The following INPP4B variants were observed in gnomAD, a reference collection of about 807,000 sequenced individuals.
INPP4B encodes inositol polyphosphate-4-phosphatase type II B, also known as inositol polyphosphate 4-phosphatase type II.
In INPP4B, 55 loss-of-function variants were observed where a neutral mutation model predicts 122.5. The ratio of observed to expected loss-of-function variants is 0.45; its 90% CI spans 0.36 to 0.56. INPP4B has a LOEUF of 0.56. Among genes scored for constraint, INPP4B ranks in the 20% least tolerant of loss-of-function variants. INPP4B has a pLI of 0.00. For synonymous variants in INPP4B, 403 were observed against 388.7 expected, an observed-to-expected ratio of 1.04 and a Z score of -0.43; for missense variants, 1,000 against 1,097.7, an observed-to-expected ratio of 0.91 and a Z score of 1.26.
chr4:142,545,831 A>ACACATATATATGTGTG (rs1829578618), intron 2 of INPP4B, among the ~76,000 whole-genome samples: 13 of 149,174 alleles, frequency 8.7e-5, no homozygotes, highest in African/African-American at 2.2e-4. Context: ...GTATATATAT[A>ACACATATATATGTGTG]TATATAAAAT....
intron 2 of INPP4B, among the ~76,000 whole-genome samples, chr4:142,631,537 C>A (rs527913670): frequency 6.6e-6 from 1 of 151,938 alleles, no homozygotes; most frequent in Non-Finnish European, 1.5e-5. Context: ...ACAATACGGA[C>A]TAAAAACGTT....
At chr4:142,820,579 G>T (rs147054820) in intron 1 of INPP4B, among the ~76,000 whole-genome samples, 97 of 152,056 alleles carry the variant, frequency 6.4e-4, no homozygotes, top group African/African-American at 2.2e-3. Context: ...AACACAAAAT[G>T]GACTAAGACA....
At chr4:142,184,473 C>T (rs764985494) in intron 15 of INPP4B, among the ~76,000 whole-genome samples, 2 of 152,174 alleles carry the variant, frequency 1.3e-5, no homozygotes, top group Non-Finnish European at 2.9e-5. Context: ...TCTGTGTCTG[C>T]TACCTAATTC....
chr4:142,637,227 G>GATTCACTC (rs1749351253), intron 2 of INPP4B, among the ~76,000 whole-genome samples: 1 of 152,074 alleles, frequency 6.6e-6, no homozygotes, highest in South Asian at 2.1e-4. Context: ...TTTACCTTAG[G>GATTCACTC]ATTCACTCTT....
chr4:142,420,354 T>C (rs1001556546), intron 5 of INPP4B, among the ~76,000 whole-genome samples: 1 of 152,114 alleles, frequency 6.6e-6, no homozygotes, highest in Admixed American at 6.6e-5. Flanking sequence ...TTTGAGGTCT[T>C]ATATACTTCT....
chr4:142,179,213 C>T (rs1829664131), intron 15 of INPP4B, among the ~76,000 whole-genome samples: 1 of 152,082 alleles, frequency 6.6e-6, no homozygotes, highest in Non-Finnish European at 1.5e-5. Flanking sequence ...TGGCTCACAC[C>T]TGTAGTCCCA....
At chr4:142,183,395 C>T (rs1907138) in intron 15 of INPP4B, among the ~76,000 whole-genome samples, 151,363 of 152,342 alleles carry the variant, frequency 0.99, 75,202 homozygotes, top group East Asian at 1. Flanking sequence ...TAATAAAGAT[C>T]TTGCAATAAC....
chr4:142,427,185 A>T (rs1808288840), intron 5 of INPP4B: 1 of 204,818 alleles, frequency 4.9e-6, no homozygotes, highest in Non-Finnish European at 9.6e-6. Context: ...AAATTCTTCA[A>T]GAAATGGTGT....
rs530343549 is a variant in INPP4B, at chr4:142,657,500, G to A, written c.-191+68339C>T. ...TTATCTTAAAGTTAAAAATTGCTAG[G>A]AGTTAATTGAAACTACTAGAAATAG... On this transcript the variant is annotated intron_variant, in intron 2 of 25. Coordinates refer to ENST00000262992, the MANE Select transcript of INPP4B (RefSeq NM_001101669.3). Among the ~76,000 whole-genome samples the A allele has an allele frequency of 8.5e-5, 13 of 152,278 alleles. No homozygotes were observed. The East Asian group carries it at 2.3e-3, about 27-fold the overall frequency.
intron 2 of INPP4B, among the ~76,000 whole-genome samples, chr4:142,515,100 G>A (rs1039284929): frequency 6.6e-6 from 1 of 152,034 alleles, no homozygotes; most frequent in Non-Finnish European, 1.5e-5. Context: ...CTGGCCTTGA[G>A]ATTGTTTTAA....
At chr4:142,173,594 T>C in intron 16 of INPP4B, 38 bp downstream of exon 16, 1 of 1,553,708 alleles carries the variant, frequency 6.4e-7, no homozygotes, top group Non-Finnish European at 8.8e-7. Context: ...AATTTGAGTA[T>C]TTCATTTTCC....
intron 11 of INPP4B, among the ~76,000 whole-genome samples, chr4:142,250,435 CA>C (rs975523885): frequency 2.0e-5 from 3 of 152,096 alleles, no homozygotes; most frequent in Admixed American, 2.0e-4. Context: ...GACATTAATA[CA>C]AAGACTTGAG....
chr4:142,737,660 T>C (rs1019342507), intron 1 of INPP4B, among the ~76,000 whole-genome samples: 4 of 152,040 alleles, frequency 2.6e-5, no homozygotes, highest in Non-Finnish European at 4.4e-5. Flanking sequence ...GAAACTACCA[T>C]CAGACTGAAC....
chr4:142,509,962 T>C (rs968135132), intron 2 of INPP4B, among the ~76,000 whole-genome samples: 2 of 152,150 alleles, frequency 1.3e-5, no homozygotes, highest in Admixed American at 1.3e-4. Context: ...TAATAAATAA[T>C]GAGGAAATAA....
At chr4:142,705,099 C>T (rs994436848) in intron 2 of INPP4B, among the ~76,000 whole-genome samples, 1 of 152,148 alleles carries the variant, frequency 6.6e-6, no homozygotes, top group Non-Finnish European at 1.5e-5. Flanking sequence ...TTTACTGGCT[C>T]TTTTTGCCTC....
chr4:142,062,819 T>C (rs1232031218), intron 25 of INPP4B, among the ~76,000 whole-genome samples: 2 of 151,920 alleles, frequency 1.3e-5, no homozygotes, highest in African/African-American at 2.4e-5. Flanking sequence ...ATATACTCCT[T>C]AACATAAGAC....
At position 142,796,728 on chromosome 4, in the gene INPP4B, T is replaced by C. The variant is rs146730142; in HGVS notation, c.-254+49481A>G. On this transcript the variant is annotated intron_variant, in intron 1 of 25. Transcript: ENST00000262992. ...TAATGAAGTTGGCACCTACCTATTC[T>C]GGCATTTGTGAGTTCTCAGCCTTAG... is the stretch of plus-strand genomic sequence containing the variant. Among the ~76,000 whole-genome samples, 1,295 of 152,150 alleles carry C rather than the reference T, an allele frequency of 8.5e-3. 7 individuals carry two copies. Among genetic ancestry groups the C allele is most frequent in the Non-Finnish European group, 0.015 (1,051 of 67,936 alleles).
At chr4:142,565,730 C>T (rs1013623545) in intron 2 of INPP4B, among the ~76,000 whole-genome samples, 3 of 151,998 alleles carry the variant, frequency 2.0e-5, no homozygotes, top group Non-Finnish European at 4.4e-5. Flanking sequence ...AAATATAGTG[C>T]CTTTGTAGTG....
intron 7 of INPP4B, among the ~76,000 whole-genome samples, chr4:142,377,959 A>C (rs1417566355): frequency 6.6e-6 from 1 of 152,140 alleles, no homozygotes; most frequent in African/African-American, 2.4e-5. Context: ...GATACCGTCA[A>C]ACTGCTAAAT....
Sources: gnomAD v4.1 joint callset for allele counts (sites outside exome capture counted in the v4.1 genomes callset) on GRCh38, gnomAD v4.1.1 for gene constraint, MANE v1.5 for transcripts, NCBI Gene and HGNC (gene_info 2026-07-23, HGNC 2026-07-21) for gene names.